Variants in GRID2 observed in about 807,000 individuals in gnomAD.
GRID2 encodes the protein glutamate receptor ionotropic, delta-2.
In GRID2, 33 loss-of-function variants were observed where a neutral mutation model predicts 114.8. The ratio of observed to expected loss-of-function variants is 0.29; its 90% CI spans 0.22 to 0.38. The LOEUF (loss-of-function observed/expected upper bound fraction) is 0.38, where lower values mean the gene tolerates loss of function less well. Among genes scored for constraint, GRID2 ranks in the 10% least tolerant of loss-of-function variants. The pLI, the probability that GRID2 is intolerant of heterozygous loss-of-function variation, is 1.00. For synonymous variants in GRID2, 505 were observed against 449.9 expected (o/e 1.12, Z -1.55); for missense variants, 1,184 against 1,257.7 (o/e 0.94, Z 0.89).
At chr4:92,910,627 C>G (rs1748301105) in intron 2 of GRID2, among the ~76,000 whole-genome samples, 1 of 152,020 alleles carries the variant, frequency 6.6e-6, no homozygotes, top group Non-Finnish European at 1.5e-5. Context: ...TGAGTACAAT[C>G]TATTTTTTCA....
intron 1 of GRID2, among the ~76,000 whole-genome samples, chr4:93,793,886 CA>C (rs1251596399): frequency 6.6e-6 from 1 of 151,972 alleles, no homozygotes; most frequent in African/African-American, 2.4e-5. Flanking sequence ...CCTTTAAAAT[CA>C]AAAAGGAAAA....
At chr4:93,503,288 A>C (rs1272499440) in intron 12 of GRID2, among the ~76,000 whole-genome samples, 1 of 152,102 alleles carries the variant, frequency 6.6e-6, no homozygotes, top group African/African-American at 2.4e-5. Context: ...ACTTAGGTTC[A>C]AGTCTCTTTT....
chr4:93,008,140 C>T (rs1042796045), intron 2 of GRID2, among the ~76,000 whole-genome samples: 17 of 151,680 alleles, frequency 1.1e-4, no homozygotes, highest in Admixed American at 6.6e-5. Flanking sequence ...ACTAAATGGA[C>T]TAAGAGCTTT....
At chr4:93,258,845 A>C in intron 8 of GRID2, 1 of 449,088 alleles carries the variant, frequency 2.2e-6, no homozygotes, top group Admixed American at 2.5e-5. Context: ...AGTAATTAAC[A>C]AACACAACTA....
intron 14 of GRID2, among the ~76,000 whole-genome samples, chr4:93,654,615 A>C (rs1039067615): frequency 2.0e-5 from 3 of 152,228 alleles, no homozygotes; most frequent in African/African-American, 7.2e-5. Context: ...TGCCTAATAA[A>C]ACAATAGATA....
intron 11 of GRID2, among the ~76,000 whole-genome samples, chr4:93,481,180 A>G (rs576886827): frequency 2.0e-5 from 3 of 152,180 alleles, no homozygotes; most frequent in South Asian, 2.1e-4. Flanking sequence ...GCATGGAGTC[A>G]ATAAGGAGTA....
chr4:92,519,793 A>C (rs1724677580), intron 1 of GRID2, among the ~76,000 whole-genome samples: 1 of 151,858 alleles, frequency 6.6e-6, no homozygotes, highest in African/African-American at 2.4e-5. Flanking sequence ...TGATGGTTTA[A>C]GTTACAGTTT....
intron 2 of GRID2, among the ~76,000 whole-genome samples, chr4:93,084,742 C>T (rs1730181665): frequency 6.6e-6 from 1 of 152,176 alleles, no homozygotes; most frequent in African/African-American, 2.4e-5. Context: ...ATTTTACCCT[C>T]TTTACAGATG....
chr4:93,534,700 A>G (rs1731848825), intron 13 of GRID2, among the ~76,000 whole-genome samples: 1 of 152,138 alleles, frequency 6.6e-6, no homozygotes, highest in Non-Finnish European at 1.5e-5. Context: ...CCTTTTCTAC[A>G]GTAAGAAATT....
chr4:93,107,063 G>T (rs1048751396), intron 3 of GRID2, among the ~76,000 whole-genome samples: 1 of 152,092 alleles, frequency 6.6e-6, no homozygotes, highest in African/African-American at 2.4e-5. Context: ...ACTTTGGGAG[G>T]CCGAGGCAGG....
intron 2 of GRID2, among the ~76,000 whole-genome samples, chr4:92,698,972 T>C (rs1043062002): frequency 1.3e-5 from 2 of 152,128 alleles, no homozygotes; most frequent in African/African-American, 4.8e-5. Flanking sequence ...GACCCTGATA[T>C]TTTTTTCTTC....
chr4:93,325,308 A>C (rs2149217041), intron 8 of GRID2, among the ~76,000 whole-genome samples: 1 of 152,198 alleles, frequency 6.6e-6, no homozygotes, highest in Non-Finnish European at 1.5e-5. Flanking sequence ...GAACTTATTA[A>C]GATTTCTAAT....
Position 92,489,603 on chromosome 4 carries a change from T to A in GRID2, c.89-100528T>A, listed in dbSNP as rs924641272. Among the ~76,000 whole-genome samples the A allele has an allele frequency of 4.6e-5, 7 of 152,248 alleles. No homozygotes were observed. The South Asian group carries it at 1.5e-3, about 32-fold the overall frequency. On this transcript the variant is annotated intron_variant, in intron 1 of 15. Coordinates refer to ENST00000282020, the MANE Select transcript of GRID2 (RefSeq NM_001510.4). ...GCTCACTCCTGTAATCCCAGCACTT[T>A]GGGAGGCCAAGGCGGGTGGATCACC...
At chr4:93,001,022 T>TA (rs1423169404) in intron 2 of GRID2, among the ~76,000 whole-genome samples, 1 of 151,618 alleles carries the variant, frequency 6.6e-6, no homozygotes, top group African/African-American at 2.4e-5. Context: ...AGTATTTCAT[T>TA]AAATTAGAAA....
chr4:92,940,897 C>G lies in GRID2; in HGVS notation c.245-144098C>G, dbSNP rs562832304. ...ATTGATTTGCATATGTTGAACCAGC[C>G]TTGCATCCCACGGATGAAGCCCTCT... On this transcript the variant is annotated intron_variant, in intron 2 of 15. Transcript: ENST00000282020. 1.1e-3 allele frequency among the ~76,000 whole-genome samples: 170 copies of G among 152,302 alleles called. 1 individual carries two copies. Among genetic ancestry groups the G allele is most frequent in the African/African-American group, 3.9e-3 (163 of 41,550 alleles).
rs1297163300 is a variant in GRID2 at position 93,238,446 on chromosome 4, C to T, written c.1201C>T (p.Leu401Phe). Residue 401 changes from leucine to phenylalanine, a missense_variant, in exon 8 of 16, where the codon CTT becomes TTT. Physicochemically the swap from Leu to Phe is conservative, Grantham distance 22. Around this residue, in one of 3 missense-constraint regions of GRID2, gnomAD observed 717 missense variants for 796.9 expected, o/e 0.90. Transcript: ENST00000282020. ...GGNPNVHFEI[L>F]GTNYGEELGR... ...CAATCCCAATGTCCACTTTGAAATC[C>T]TTGGAACCAACTATGGAGAAGAGCT... is the stretch of plus-strand genomic sequence containing the variant. 9 of 1,609,852 alleles carry T rather than the reference C, an allele frequency of 5.6e-6. No individual in the cohort carries two copies. The highest frequency in any genetic ancestry group is 3.3e-5 in the Admixed American group (2 of 59,820).
At chr4:92,971,045 A>G (rs1220972348) in intron 2 of GRID2, among the ~76,000 whole-genome samples, 1 of 151,940 alleles carries the variant, frequency 6.6e-6, no homozygotes, top group Non-Finnish European at 1.5e-5. Flanking sequence ...AAGAAGACTC[A>G]GACTTGGCTC....
At chr4:92,526,498 A>G (rs1725052180) in intron 1 of GRID2, among the ~76,000 whole-genome samples, 1 of 151,914 alleles carries the variant, frequency 6.6e-6, no homozygotes, top group Non-Finnish European at 1.5e-5. Flanking sequence ...TGCCCACAAC[A>G]TGCCAGGCTA....
At chr4:93,298,623 C>G (rs750851752) in intron 8 of GRID2, among the ~76,000 whole-genome samples, 1 of 152,216 alleles carries the variant, frequency 6.6e-6, no homozygotes, top group African/African-American at 2.4e-5. Context: ...AAGATATTCT[C>G]TCTAAATAAG....
Sources: gnomAD v4.1 joint callset for allele counts (sites outside exome capture counted in the v4.1 genomes callset) on GRCh38, gnomAD v4.1.1 for gene constraint, gnomAD v4.1.1 regional missense constraint, MANE v1.5 for transcripts, NCBI Gene and HGNC (gene_info 2026-07-23, HGNC 2026-07-21) for gene names.